The following CPB1 variants were observed in gnomAD, a reference collection of about 807,000 sequenced individuals.
CPB1 encodes the protein carboxypeptidase B1.
Under a neutral mutation model 51.4 loss-of-function variants are expected in CPB1, and 53 were observed. That is an observed-to-expected ratio of 1.03 (90% CI 0.83 to 1.30). The LOEUF is 1.30. Among genes scored for constraint, CPB1 ranks in the 50% most tolerant of loss-of-function variants. The pLI, the probability that CPB1 is intolerant of heterozygous loss-of-function variation, is 0.00. For synonymous variants in CPB1, 189 were observed against 186.9 expected (o/e 1.01, Z -0.09); for missense variants, 494 against 516.2 (o/e 0.96, Z 0.42).
At chr3:148,858,487 G>C (rs575449536) in intron 10 of CPB1, among the ~76,000 whole-genome samples, 1 of 151,956 alleles carries the variant, frequency 6.6e-6, no homozygotes, top group East Asian at 1.9e-4. Flanking sequence ...CAGGAGAATC[G>C]TTTGAACCTG....
intron 9 of CPB1, among the ~76,000 whole-genome samples, chr3:148,850,759 A>C (rs911756061): frequency 3.3e-5 from 5 of 152,132 alleles, no homozygotes; most frequent in Non-Finnish European, 5.9e-5. Context: ...CATGCACATC[A>C]CTCATCACAG....
At chr3:148,828,249 AT>A (rs1161672415) in intron 2 of CPB1, among the ~76,000 whole-genome samples, 172 bp downstream of exon 2, 1 of 152,218 alleles carries the variant, frequency 6.6e-6, no homozygotes, top group Non-Finnish European at 1.5e-5. Flanking sequence ...CCTAAATTAG[AT>A]TGCCATAAGC....
Position 148,834,516 on chromosome 3 carries a change from G to A in CPB1, c.166G>A (p.Asp56Asn). The change falls in exon 3 of 11, where the codon GAT becomes AAT. Residue 56 changes from aspartate to asparagine, a missense_variant. Coordinates refer to ENST00000282957, the MANE Select transcript of CPB1 (RefSeq NM_001871.3). ...STTQIDFWKPDSVTQIKPHST... is the reference protein window; with the variant it reads ...STTQIDFWKPNSVTQIKPHST... ...TATTCAGATTGACTTCTGGAAGCCA[G>A]ATTCTGTCACACAAATCAAACCTCA... 1 of 1,613,698 alleles carries A rather than the reference G, an allele frequency of 6.2e-7. No individual in the cohort carries two copies.
intron 3 of CPB1, among the ~76,000 whole-genome samples, chr3:148,835,907 T>C (rs1306049109): frequency 6.6e-6 from 1 of 152,202 alleles, no homozygotes; most frequent in Non-Finnish European, 1.5e-5. Context: ...GGTAGCATAG[T>C]GCAACAAGTA....
rs764639486 is a variant in CPB1 at position 148,841,950 on chromosome 3, A to T, written c.576+26A>T. The T allele has an allele frequency of 4.1e-6, 6 of 1,468,290 alleles. No homozygotes were observed. The South Asian group carries it at 6.9e-5, about 17-fold the overall frequency. 91.0% of individuals were successfully genotyped at this position (1,468,290 alleles called of 1,614,324 possible). A position where few individuals can be genotyped will look rare whatever the true frequency, so the allele number is the denominator to read the frequency against. On this transcript the variant is annotated intron_variant, in intron 6 of 10. Transcript: ENST00000282957. ...GTCAGTGTGTAGAGTGGTTTTTGGC[A>T]AAGAGAAATGTATGTTTTAATTTTC...
chr3:148,833,638 G>A (rs771537292), intron 2 of CPB1, among the ~76,000 whole-genome samples: 2 of 151,954 alleles, frequency 1.3e-5, no homozygotes, highest in Non-Finnish European at 2.9e-5. Flanking sequence ...CTTCCACTCG[G>A]CACAAGCAAG....
chr3:148,859,888 A>T lies in CPB1; in HGVS notation c.1140A>T (p.Arg380=). ...GATATTCCTTCACCTTTGAACTTCG[A>T]GATACAGGCAGATATGGCTTTCTCC... ...GIRYSFTFEL[R]DTGRYGFLLP... The change falls in exon 11 of 11, where the codon CGA becomes CGT. Residue 380 remains arginine, a synonymous_variant. Coordinates refer to ENST00000282957, the MANE Select transcript of CPB1 (RefSeq NM_001871.3). 2 of 1,614,106 alleles carry T rather than the reference A, an allele frequency of 1.2e-6. No individual in the cohort carries two copies. Among genetic ancestry groups the T allele is most frequent in the African/African-American group, 1.3e-5 (1 of 75,018 alleles).
chr3:148,846,756 C>CAT (rs10605556), intron 9 of CPB1, among the ~76,000 whole-genome samples: 1 of 111,294 alleles, frequency 9.0e-6, no homozygotes. Flanking sequence ...TATATATATA[C>CAT]ATATATATAT....
intron 3 of CPB1, among the ~76,000 whole-genome samples, chr3:148,839,964 A>G (rs1713028556): frequency 6.6e-6 from 1 of 152,170 alleles, no homozygotes; most frequent in Non-Finnish European, 1.5e-5. Flanking sequence ...ACACCTTCAG[A>G]CTGGCCTCAT....
At chr3:148,839,928 T>C (rs1713026500) in intron 3 of CPB1, among the ~76,000 whole-genome samples, 2 of 151,112 alleles carry the variant, frequency 1.3e-5, no homozygotes, top group Admixed American at 6.7e-5. Context: ...GGAAGTGAAG[T>C]CACACACACA....
intron 8 of CPB1, among the ~76,000 whole-genome samples, chr3:148,845,088 A>T (rs1713194604): frequency 6.6e-6 from 1 of 152,096 alleles, no homozygotes; most frequent in Non-Finnish European, 1.5e-5. Flanking sequence ...TCGTAATGCA[A>T]TTAAGAATGA....
At chr3:148,829,600 G>T (rs1322769915) in intron 2 of CPB1, among the ~76,000 whole-genome samples, 1 of 152,088 alleles carries the variant, frequency 6.6e-6, no homozygotes, top group Non-Finnish European at 1.5e-5. Flanking sequence ...CCTGTTTTCA[G>T]CATGTTGAGA....
intron 9 of CPB1, chr3:148,851,533 T>C (rs1248389370): frequency 1.3e-5 from 2 of 152,002 alleles, no homozygotes; most frequent in African/African-American, 4.8e-5. Flanking sequence ...GAGAACAGAA[T>C]TGGGAGTTTC....
chr3:148,844,387 T>A (rs1713169704), intron 6 of CPB1, 91 bp from the exon 7 acceptor site: 1 of 904,352 alleles, frequency 1.1e-6, no homozygotes, highest in Non-Finnish European at 1.8e-6. Context: ...CTGCTCTTAT[T>A]ACCAAAGTTA....
chr3:148,841,672 T>A, intron 5 of CPB1, 151 bp from the exon 6 acceptor site: 1 of 593,926 alleles, frequency 1.7e-6, no homozygotes, highest in East Asian at 2.8e-5. Context: ...ACATACTGTG[T>A]TAGTATTATA....
At chr3:148,840,091 A>G (rs1308218506) in intron 3 of CPB1, among the ~76,000 whole-genome samples, 1 of 152,188 alleles carries the variant, frequency 6.6e-6, no homozygotes, top group Non-Finnish European at 1.5e-5. Flanking sequence ...TAACCCACCC[A>G]AAAGACAAGC....
Position 148,834,612 on chromosome 3 carries a change from CTACAA to C in CPB1, c.268_272del (p.Tyr90GlyfsTer15), listed in dbSNP as rs748752629. ...GGAGAATGTTCTAAAGCAGAATGAA[CTACAA>C]TACAAGTAAGTTTATGTTTTATAAA... On this transcript the variant is annotated frameshift_variant, in exon 3 of 11. Coordinates refer to ENST00000282957, the MANE Select transcript of CPB1 (RefSeq NM_001871.3). LOFTEE classifies it high-confidence loss of function. 1.2e-6 allele frequency: 2 copies of C among 1,608,290 alleles called. No homozygotes were observed. Among genetic ancestry groups the C allele is most frequent in the South Asian group, 2.2e-5 (2 of 90,800 alleles).
chr3:148,833,188 C>A (rs184071510), intron 2 of CPB1, among the ~76,000 whole-genome samples: 1 of 152,270 alleles, frequency 6.6e-6, no homozygotes, highest in East Asian at 1.9e-4. Context: ...CACTAGGTCA[C>A]CTTCTACAGC....
In CPB1 at chr3:148,840,897, C is replaced by T. The variant is rs189467346; in HGVS notation, c.396C>T (p.Val132=). 50 of 1,614,090 alleles carry T rather than the reference C, an allele frequency of 3.1e-5. No individual in the cohort carries two copies. The Middle Eastern group carries it at 4.9e-4, about 16-fold the overall frequency. ...WETIEAWTQQ[V]ATENPALISR... ...AGATAGAGGCTTGGACTCAACAAGTCGCCACTGAGAATCCAGCCCTCATCT... is the reference window on the plus strand; with the variant it reads ...AGATAGAGGCTTGGACTCAACAAGTTGCCACTGAGAATCCAGCCCTCATCT... The change falls in exon 5 of 11, where the codon GTC becomes GTT. Residue 132 remains valine, a synonymous_variant. Coordinates refer to ENST00000282957, the MANE Select transcript of CPB1 (RefSeq NM_001871.3).
Sources: allele counts gnomAD v4.1 joint callset (sites outside exome capture counted in the v4.1 genomes callset), GRCh38; gene constraint gnomAD v4.1.1; transcripts MANE v1.5; gene names NCBI Gene and HGNC (gene_info 2026-07-23, HGNC 2026-07-21).